TASP1: variants seen among roughly 807,000 people sequenced by gnomAD.
TASP1 encodes the protein threonine aspartase 1.
In TASP1, 16 loss-of-function variants were observed where a neutral mutation model predicts 56.6. The observed-to-expected ratio is 0.28, with a 90% CI of 0.19 to 0.43. TASP1 has a LOEUF of 0.43. TASP1 is among the 20% of genes least tolerant of loss of function. The pLI is 1.00. For missense variants in TASP1, 393 were observed against 511.6 expected (o/e 0.77, Z 2.24); for synonymous variants, 179 against 184.2 (o/e 0.97, Z 0.23).
At chr20:13,595,337 C>T (rs780745696) in intron 4 of TASP1, among the ~76,000 whole-genome samples, 1 of 152,144 alleles carries the variant, frequency 6.6e-6, no homozygotes, top group Non-Finnish European at 1.5e-5. Context: ...AAATAACCAG[C>T]TAACATCATA....
chr20:13,491,632 A>G (rs2043530648), intron 10 of TASP1, among the ~76,000 whole-genome samples: 1 of 152,242 alleles, frequency 6.6e-6, no homozygotes, highest in Admixed American at 6.5e-5. Context: ...CAACAAAATC[A>G]TATTGTCAAA....
At chr20:13,219,241 C>A in the TASP1 span, among the ~76,000 whole-genome samples, 1 of 152,180 alleles carries the variant, frequency 6.6e-6, no homozygotes, top group Non-Finnish European at 1.5e-5. Flanking sequence ...GAGGTTAGAA[C>A]AATCCTTAAA....
chr20:13,430,075 G>A (rs540695612), intron 12 of TASP1, among the ~76,000 whole-genome samples: 2 of 152,236 alleles, frequency 1.3e-5, no homozygotes, highest in South Asian at 4.1e-4. Flanking sequence ...AGACTGCAAT[G>A]TAAAAGGACA....
At chr20:13,478,376 A>ACG (rs2043018921) in intron 11 of TASP1, among the ~76,000 whole-genome samples, 1 of 142,794 alleles carries the variant, frequency 7.0e-6, no homozygotes, top group Non-Finnish European at 1.5e-5. Context: ...CACACACACG[A>ACG]ATACTATTCA....
At chr20:13,632,422 T>C (rs76368465) in intron 1 of TASP1, among the ~76,000 whole-genome samples, 1 of 151,796 alleles carries the variant, frequency 6.6e-6, no homozygotes, top group Non-Finnish European at 1.5e-5. Flanking sequence ...CAAACATAAT[T>C]ATAACATCAA....
At chr20:13,408,576 T>G (rs1360951996) in intron 13 of TASP1, among the ~76,000 whole-genome samples, 1 of 152,208 alleles carries the variant, frequency 6.6e-6, no homozygotes, top group African/African-American at 2.4e-5. Flanking sequence ...AAGATTAATG[T>G]TATTTCTTCC....
At chr20:13,205,386 G>C in the TASP1 span, among the ~76,000 whole-genome samples, 4 of 152,134 alleles carry the variant, frequency 2.6e-5, no homozygotes, top group Non-Finnish European at 5.9e-5. Context: ...GCCTCCCTCA[G>C]ACTCTGTCAT....
the TASP1 span, among the ~76,000 whole-genome samples, chr20:13,212,904 A>G: frequency 6.6e-6 from 1 of 152,194 alleles, no homozygotes; most frequent in Non-Finnish European, 1.5e-5. Flanking sequence ...TGGCTCACAA[A>G]TGAGGCACTA....
At chr20:13,567,943 A>C (rs958219392) in intron 7 of TASP1, among the ~76,000 whole-genome samples, 13 of 152,186 alleles carry the variant, frequency 8.5e-5, no homozygotes, top group African/African-American at 2.7e-4. Flanking sequence ...AAGGGAAAAA[A>C]AGGGAACTGA....
chr20:13,400,803 T>C lies in TASP1; in HGVS notation c.1171-10351A>G, dbSNP rs988901102. On this transcript the variant is annotated intron_variant, in intron 13 of 13. Coordinates refer to ENST00000337743, the MANE Select transcript of TASP1 (RefSeq NM_017714.3). ...ATGTTAAGTTTTCACAAATTTTCAG[T>C]ATTGCTTTACTTACAGAACATAAAA... Among the ~76,000 whole-genome samples the C allele has an allele frequency of 6.6e-5, 10 of 152,360 alleles. No individual in the cohort carries two copies. In the East Asian group the frequency reaches 1.9e-3, roughly 29 times the overall value.
chr20:13,318,399 C>G, the TASP1 span, among the ~76,000 whole-genome samples: 10 of 152,244 alleles, frequency 6.6e-5, no homozygotes, highest in African/African-American at 2.4e-4. Flanking sequence ...ATGGCGTGAC[C>G]ACTTTGGAAG....
the TASP1 span, among the ~76,000 whole-genome samples, chr20:13,316,275 T>A: frequency 6.6e-6 from 1 of 151,960 alleles, no homozygotes; most frequent in Non-Finnish European, 1.5e-5. Context: ...GGTCTATATC[T>A]ATTAAGGAAA....
intron 1 of TASP1, among the ~76,000 whole-genome samples, chr20:13,634,650 A>G (rs2049224782): frequency 6.6e-6 from 1 of 151,558 alleles, no homozygotes; most frequent in Non-Finnish European, 1.5e-5. Flanking sequence ...GAATCGCTTG[A>G]ACCAGGGAGG....
intron 11 of TASP1, among the ~76,000 whole-genome samples, chr20:13,464,864 C>T (rs901535237): frequency 3.3e-5 from 5 of 151,936 alleles, no homozygotes; most frequent in African/African-American, 1.2e-4. Flanking sequence ...CAGAACTGTA[C>T]ACTTATGGTT....
the TASP1 span, among the ~76,000 whole-genome samples, chr20:13,178,085 G>T: frequency 2.6e-5 from 4 of 151,938 alleles, no homozygotes; most frequent in East Asian, 7.7e-4. Context: ...TGTAAAAATG[G>T]GCAAATGATC....
the TASP1 span, among the ~76,000 whole-genome samples, chr20:13,150,300 G>A: frequency 1.3e-5 from 2 of 151,982 alleles, no homozygotes; most frequent in Admixed American, 1.3e-4. Flanking sequence ...AGTTTCCAAG[G>A]GACACATCAG....
At chr20:13,247,514 A>AGGGGG in the TASP1 span, among the ~76,000 whole-genome samples, 2 of 127,322 alleles carry the variant, frequency 1.6e-5, no homozygotes, top group Admixed American at 1.5e-4. Context: ...CAGCAAAGTG[A>AGGGGG]GGGGTGTGTG....
At chr20:13,198,761 CTTTTT>C in the TASP1 span, among the ~76,000 whole-genome samples, 1 of 151,658 alleles carries the variant, frequency 6.6e-6, no homozygotes, top group South Asian at 2.1e-4. Flanking sequence ...TTTTTCTGGG[CTTTTT>C]TTCTTTTCTT....
intron 11 of TASP1, among the ~76,000 whole-genome samples, chr20:13,469,956 C>T (rs1382405765): frequency 1.3e-5 from 2 of 151,094 alleles, no homozygotes; most frequent in African/African-American, 4.9e-5. Flanking sequence ...CTATAGGCAC[C>T]TGACACCATG....
Sources: allele counts gnomAD v4.1 joint callset (sites outside exome capture counted in the v4.1 genomes callset), GRCh38; gene constraint gnomAD v4.1.1; transcripts MANE v1.5; gene names NCBI Gene and HGNC (gene_info 2026-07-23, HGNC 2026-07-21).